UBR2: variants seen among roughly 807,000 people sequenced by gnomAD.
The protein encoded by UBR2 is ubiquitin protein ligase E3 component n-recognin 2.
A neutral mutation model predicts 247.9 loss-of-function variants in UBR2; 92 were observed. That is an observed-to-expected ratio of 0.37 (90% CI 0.31 to 0.44). UBR2 has a LOEUF of 0.44. Ranked by LOEUF, UBR2 falls within the 20% of genes least tolerant of loss-of-function variation. UBR2 has a pLI of 1.00. For synonymous variants in UBR2, 672 were observed against 693.5 expected (o/e 0.97, Z 0.49); for missense variants, 1,613 against 2,112.6 (o/e 0.76, Z 4.64).
At chr6:42,670,325 G>A in intron 35 of UBR2, 85 bp downstream of exon 35, 5 of 1,506,264 alleles carry the variant, frequency 3.3e-6, no homozygotes, top group Non-Finnish European at 4.5e-6. Context: ...TAAATGAAAT[G>A]TTTGAAGTGG....
At chr6:42,650,761 A>G (rs953166122) in intron 23 of UBR2, among the ~76,000 whole-genome samples, 5 of 152,342 alleles carry the variant, frequency 3.3e-5, no homozygotes, top group South Asian at 2.1e-4. Context: ...CGTTTTGTAC[A>G]TATGTATATA....
chr6:42,615,361 G>A (rs1794478649), intron 9 of UBR2, among the ~76,000 whole-genome samples, 183 bp downstream of exon 9: 1 of 152,116 alleles, frequency 6.6e-6, no homozygotes, highest in African/African-American at 2.4e-5. Context: ...CAACTTAAAT[G>A]GACTTTATAT....
At chr6:42,594,405 A>G in intron 4 of UBR2, 101 bp downstream of exon 4, 1 of 857,854 alleles carries the variant, frequency 1.2e-6, no homozygotes, top group Non-Finnish European at 1.8e-6. Flanking sequence ...TAGTACTTCC[A>G]CTATTGACAG....
At chr6:42,686,930 G>A (rs1273026126) in intron 44 of UBR2, among the ~76,000 whole-genome samples, 10 of 151,258 alleles carry the variant, frequency 6.6e-5, no homozygotes, top group Non-Finnish European at 8.9e-5. Context: ...CAGACGGGGC[G>A]GCGGGGCAGA....
chr6:42,640,930 T>C (rs13213476), intron 16 of UBR2, among the ~76,000 whole-genome samples: 37,436 of 151,600 alleles, frequency 0.25, 5,028 homozygotes, highest in East Asian at 0.46. Context: ...GGTTTCACCA[T>C]GTTGCCCAGG....
chr6:42,661,904 A>C (rs976467470), intron 30 of UBR2, among the ~76,000 whole-genome samples: 1 of 152,242 alleles, frequency 6.6e-6, no homozygotes, highest in East Asian at 1.9e-4. Context: ...TGAAAGTGTG[A>C]AATGTTCAAA....
At chr6:42,620,330 A>G (rs992395042) in intron 11 of UBR2, 1 of 152,144 alleles carries the variant, frequency 6.6e-6, no homozygotes, top group Non-Finnish European at 1.5e-5. Flanking sequence ...AATCCCTGTT[A>G]AAGTTGTCCT....
chr6:42,650,769 A>C (rs1348711635), intron 23 of UBR2, among the ~76,000 whole-genome samples: 1 of 152,228 alleles, frequency 6.6e-6, no homozygotes, highest in African/African-American at 2.4e-5. Flanking sequence ...ACATATGTAT[A>C]TACGATCTAT....
At chr6:42,683,598 A>G (rs1799181839) in intron 43 of UBR2, among the ~76,000 whole-genome samples, 1 of 152,138 alleles carries the variant, frequency 6.6e-6, no homozygotes, top group Non-Finnish European at 1.5e-5. Context: ...TCCTAACAAG[A>G]TGTGTCTCAA....
intron 25 of UBR2, among the ~76,000 whole-genome samples, chr6:42,655,298 TGA>T (rs1797373617): frequency 6.6e-6 from 1 of 151,978 alleles, no homozygotes; most frequent in Admixed American, 6.6e-5. Flanking sequence ...GCCAACATGG[TGA>T]AACCCCATCT....
chr6:42,586,525 TCA>T (rs1166663562), intron 2 of UBR2, among the ~76,000 whole-genome samples: 1 of 148,652 alleles, frequency 6.7e-6, no homozygotes, highest in Non-Finnish European at 1.5e-5. Context: ...CTATTTGTTT[TCA>T]GTTTGTCTCT....
intron 25 of UBR2, among the ~76,000 whole-genome samples, 166 bp from the exon 26 acceptor site, chr6:42,655,452 CAAA>C (rs200885359): frequency 5.9e-5 from 5 of 84,868 alleles, no homozygotes; most frequent in Admixed American, 2.6e-4. Flanking sequence ...AACTCCATCT[CAAA>C]AAAAAAAAAA....
intron 1 of UBR2, among the ~76,000 whole-genome samples, chr6:42,573,145 C>A (rs73436648): frequency 2.0e-5 from 3 of 151,762 alleles, no homozygotes; most frequent in Non-Finnish European, 4.4e-5. Flanking sequence ...GGAGAGCAAA[C>A]GGAAAAGGCC....
rs200100051 is a variant in UBR2, at chr6:42,612,592, CA to C, written c.985+303del. On this transcript the variant is annotated intron_variant, in intron 8 of 46. Transcript: ENST00000372901. ...TGCAATGCAATGTACATTTCACAAA[CA>C]ATTTTTTTTTAAACTTTTTTTAGTG... Among the ~76,000 whole-genome samples, 1,389 of 152,196 alleles carry C rather than the reference CA, an allele frequency of 9.1e-3. 29 individuals are homozygous for C. Among genetic ancestry groups the C allele is most frequent in the East Asian group, 0.078 (405 of 5,186 alleles).
chr6:42,644,290 G>A lies in UBR2; in HGVS notation c.2174G>A (p.Ser725Asn), dbSNP rs759344895. The A allele has an allele frequency of 1.2e-6, 2 of 1,612,840 alleles. No individual in the cohort carries two copies. The highest frequency in any genetic ancestry group is 1.7e-6 in the Non-Finnish European group (2 of 1,179,792). Residue 725 changes from serine to asparagine, a missense_variant, in exon 19 of 47, where the codon AGT becomes AAT. Physicochemically the swap from Ser to Asn is conservative, Grantham distance 46 (BLOSUM62 1). Around this residue, in one of 3 missense-constraint regions of UBR2, gnomAD observed 1,524 missense variants for 1,967.3 expected, o/e 0.77. Transcript: ENST00000372901. ...LSRFELYQIF[S>N]TPDYGKRFSS... Reference sequence around the variant, plus strand: ...CGCTTTGAACTTTATCAGATTTTCAGTACTCCAGACTATGGAAAAAGATTT... The same window carrying A: ...CGCTTTGAACTTTATCAGATTTTCAATACTCCAGACTATGGAAAAAGATTT...
In UBR2 at chr6:42,670,144, A is replaced by G. The variant is rs1434542355; in HGVS notation, c.3934A>G (p.Thr1312Ala). ...KEMLTTFGTATYKVGLKVHPN... is the reference protein window; with the variant it reads ...KEMLTTFGTAAYKVGLKVHPN... ...AATGCTAACGACATTTGGAACTGCT[A>G]CCTACAAGGTGGGACTAAAGGTTCA... The change falls in exon 35 of 47, where the codon ACC (threonine) becomes GCC (alanine). Residue 1312 changes from threonine (T) to alanine (A), a missense_variant. Thr to Ala is a moderately conservative substitution (Grantham distance 58, BLOSUM62 0). Coordinates refer to ENST00000372901, the MANE Select transcript of UBR2 (RefSeq NM_001363705.2). The G allele has an allele frequency of 5.0e-6, 8 of 1,614,164 alleles. No individual in the cohort carries two copies. Among genetic ancestry groups the G allele is most frequent in the Admixed American group, 1.7e-5 (1 of 60,020 alleles).
At position 42,580,837 on chromosome 6, in the gene UBR2, G is replaced by T. The variant is rs554368732; in HGVS notation, c.338+6844G>T. On this transcript the variant is annotated intron_variant, in intron 2 of 46. Transcript: ENST00000372901. ...ATTACAGGCGTGAGCCACCGCGCCC[G>T]GCCTTAATTGTACATTTTTGACAGT... Among the ~76,000 whole-genome samples, 5 of 151,966 alleles carry T rather than the reference G, an allele frequency of 3.3e-5. No individual in the cohort carries two copies. The East Asian group carries it at 7.7e-4, about 24-fold the overall frequency.
At chr6:42,578,730 C>T (rs984227185) in intron 2 of UBR2, among the ~76,000 whole-genome samples, 6 of 152,008 alleles carry the variant, frequency 3.9e-5, no homozygotes, top group South Asian at 2.1e-4. Flanking sequence ...GGAAGACCTA[C>T]GTATTTCCAT....
intron 44 of UBR2, among the ~76,000 whole-genome samples, chr6:42,686,569 G>A (rs937812601): frequency 6.6e-6 from 1 of 152,212 alleles, no homozygotes; most frequent in Non-Finnish European, 1.5e-5. Flanking sequence ...CGTCATCACG[G>A]CCTGTTGTCA....
Sources: allele counts gnomAD v4.1 joint callset (sites outside exome capture counted in the v4.1 genomes callset), GRCh38; gene constraint gnomAD v4.1.1; regional missense constraint gnomAD v4.1.1; transcripts MANE v1.5; gene names NCBI Gene and HGNC (gene_info 2026-07-23, HGNC 2026-07-21).